Variants in NAV3 observed in about 807,000 individuals in gnomAD.
NAV3 encodes the protein pore membrane and/or filament interacting like protein 1.
NAV3 carries 87 observed loss-of-function variants against 244.7 expected under a neutral mutation model. The ratio of observed to expected loss-of-function variants is 0.36; its 90% CI spans 0.30 to 0.42. The LOEUF is 0.42. Among genes scored for constraint, NAV3 ranks in the 20% least tolerant of loss-of-function variants. NAV3 has a pLI of 1.00. For synonymous variants in NAV3, 1,126 were observed against 1,042.2 expected, an observed-to-expected ratio of 1.08 and a Z score of -1.55; for missense variants, 2,663 against 2,893.3, an observed-to-expected ratio of 0.92 and a Z score of 1.83.
intron 17 of NAV3, among the ~76,000 whole-genome samples, chr12:78,128,348 C>T (rs980689620): frequency 2.6e-5 from 4 of 151,654 alleles, no homozygotes; most frequent in African/African-American, 9.7e-5. Context: ...TTCCCTTGGC[C>T]CTGGCCCGCC....
intron 9 of NAV3, among the ~76,000 whole-genome samples, chr12:78,031,792 G>A (rs968827822): frequency 3.3e-5 from 5 of 150,290 alleles, no homozygotes; most frequent in East Asian, 2.0e-4. Flanking sequence ...GCTAGATGAC[G>A]AGTTAGTGGG....
intron 2 of NAV3, among the ~76,000 whole-genome samples, chr12:77,620,615 A>G (rs1339314227): frequency 6.6e-6 from 1 of 151,962 alleles, no homozygotes; most frequent in Admixed American, 6.6e-5. Context: ...GAGCATGCCA[A>G]CATGCCTGGT....
intron 2 of NAV3, among the ~76,000 whole-genome samples, chr12:77,645,198 T>C (rs1450391799): frequency 6.6e-6 from 1 of 151,882 alleles, no homozygotes; most frequent in East Asian, 1.9e-4. Flanking sequence ...AAGCTGCTGA[T>C]GGGGGTAGGA....
chr12:77,777,674 T>C (rs957857884), intron 2 of NAV3, among the ~76,000 whole-genome samples: 1 of 152,196 alleles, frequency 6.6e-6, no homozygotes, highest in Non-Finnish European at 1.5e-5. Flanking sequence ...ACTATATCGT[T>C]AGGATAATAA....
intron 1 of NAV3, among the ~76,000 whole-genome samples, chr12:77,833,520 G>A (rs1163300334): frequency 6.6e-6 from 1 of 152,156 alleles, no homozygotes. Context: ...GCAGGGTGTG[G>A]AGCTTCGACC....
chr12:77,966,092 A>T, intron 3 of NAV3, 137 bp from the exon 4 acceptor site: 1 of 752,134 alleles, frequency 1.3e-6, no homozygotes, highest in Non-Finnish European at 2.3e-6. Context: ...ATTCTAGTTA[A>T]ACTCTGGTTA....
intron 1 of NAV3, among the ~76,000 whole-genome samples, chr12:77,842,332 C>G (rs1015822604): frequency 6.6e-6 from 1 of 151,978 alleles, no homozygotes; most frequent in Non-Finnish European, 1.5e-5. Flanking sequence ...CTGTTCCAAC[C>G]TGCTCATCCA....
At chr12:77,979,793 C>A (rs1448564017) in intron 5 of NAV3, among the ~76,000 whole-genome samples, 1 of 151,526 alleles carries the variant, frequency 6.6e-6, no homozygotes, top group Non-Finnish European at 1.5e-5. Context: ...TTTTGTGACC[C>A]CAGTCACTGC....
chr12:78,047,522 C>T (rs1168890034), intron 9 of NAV3, among the ~76,000 whole-genome samples: 3 of 151,868 alleles, frequency 2.0e-5, no homozygotes, highest in Admixed American at 6.6e-5. Context: ...AAAAAATGAA[C>T]GTTGAATATT....
At chr12:77,777,460 G>T (rs942813915) in intron 2 of NAV3, among the ~76,000 whole-genome samples, 4 of 152,184 alleles carry the variant, frequency 2.6e-5, no homozygotes, top group Non-Finnish European at 4.4e-5. Flanking sequence ...CATCTACAGT[G>T]TGGATACACT....
At chr12:77,817,263 A>T (rs575211239) in intron 2 of NAV3, among the ~76,000 whole-genome samples, 2 of 152,208 alleles carry the variant, frequency 1.3e-5, no homozygotes, top group South Asian at 4.1e-4. Context: ...ATCTAAATGG[A>T]GCAGACAGTT....
Position 78,148,819 on chromosome 12 carries a change from T to C in NAV3, c.4708-23T>C, listed in dbSNP as rs532164945. The C allele has an allele frequency of 9.5e-6, 15 of 1,585,530 alleles. No individual in the cohort carries two copies. The African/African-American group carries it at 1.1e-4, about 12-fold the overall frequency. ...AGTAAAAATCTACTTGCCTATTCCATTGATTTTTTTAATTGCATTCAGCAA... is the reference window on the plus strand; with the variant it reads ...AGTAAAAATCTACTTGCCTATTCCACTGATTTTTTTAATTGCATTCAGCAA... On this transcript the variant is annotated intron_variant, in intron 21 of 39. Transcript: ENST00000397909.
At chr12:77,730,135 A>AT (rs1877055868) in intron 2 of NAV3, among the ~76,000 whole-genome samples, 1 of 152,046 alleles carries the variant, frequency 6.6e-6, no homozygotes, top group African/African-American at 2.4e-5. Flanking sequence ...ACTTTAACAT[A>AT]TAGATTGCTA....
chr12:77,940,483 C>G (rs1187257245), intron 2 of NAV3, 47 bp downstream of exon 2: 2 of 1,470,272 alleles, frequency 1.4e-6, no homozygotes, highest in South Asian at 1.2e-5. Flanking sequence ...CTGCTCCCAT[C>G]TCTTTGGTAA....
Position 78,137,375 on chromosome 12 carries a change from G to T in NAV3, c.4630+10G>T, listed in dbSNP as rs768782828. 15 of 1,598,774 alleles carry T rather than the reference G, an allele frequency of 9.4e-6. No homozygotes were observed. On this transcript the variant is annotated intron_variant, in intron 19 of 39. Transcript: ENST00000397909. ...GACAGCATGGAAGAAGGTAAGCGTT[G>T]AGGGGGATTAAAGATGAAGTCACTT...
intron 2 of NAV3, among the ~76,000 whole-genome samples, chr12:77,702,841 T>TAGGCTGTATTTCGTATA (rs67731414): frequency 1.3e-5 from 2 of 151,532 alleles, no homozygotes; most frequent in Non-Finnish European, 3.0e-5. Context: ...ATTTTGTATT[T>TAGGCTGTATTTCGTATA]GCCTCTATAT....
At chr12:77,675,664 C>T (rs546872350) in intron 2 of NAV3, among the ~76,000 whole-genome samples, 1 of 152,098 alleles carries the variant, frequency 6.6e-6, no homozygotes, top group Non-Finnish European at 1.5e-5. Flanking sequence ...TAAACATCAG[C>T]CTCTCATTTA....
intron 12 of NAV3, among the ~76,000 whole-genome samples, chr12:78,063,233 C>A (rs1884553721): frequency 1.3e-5 from 2 of 152,134 alleles, no homozygotes; most frequent in Admixed American, 1.3e-4. Context: ...CCAACACCAA[C>A]CCCATTTCTG....
At chr12:77,695,145 C>A (rs187124210) in intron 2 of NAV3, among the ~76,000 whole-genome samples, 2 of 152,150 alleles carry the variant, frequency 1.3e-5, no homozygotes, top group Admixed American at 6.6e-5. Flanking sequence ...TGTGCAGAAG[C>A]TTTTTAACTA....
Sources: allele counts gnomAD v4.1 joint callset (sites outside exome capture counted in the v4.1 genomes callset), GRCh38; gene constraint gnomAD v4.1.1; transcripts MANE v1.5; gene names NCBI Gene and HGNC (gene_info 2026-07-23, HGNC 2026-07-21).